The following SGF29 variants were observed in gnomAD, a reference collection of about 807,000 sequenced individuals.
The protein encoded by SGF29 is SAGA complex associated factor 29.
Under a neutral mutation model 38.1 loss-of-function variants are expected in SGF29, and 15 were observed. That is an observed-to-expected ratio of 0.39 (90% CI 0.26 to 0.61). The LOEUF (loss-of-function observed/expected upper bound fraction) is 0.61, where lower values mean the gene tolerates loss of function less well. SGF29 is among the 20% of genes least tolerant of loss of function. The pLI, the probability that SGF29 is intolerant of heterozygous loss-of-function variation, is 0.49. For missense variants in SGF29, 184 were observed against 394.6 expected (o/e 0.47, Z 4.52); for synonymous variants, 151 against 160.8 (o/e 0.94, Z 0.46).
chr16:28,585,563 G>T (rs10521145), intron 3 of SGF29, 85 bp from the exon 4 acceptor site: 1 of 1,228,612 alleles, frequency 8.1e-7, no homozygotes, highest in South Asian at 1.2e-5. Flanking sequence ...GTGCCTCCAC[G>T]AGTGTGATTC....
At position 28,590,033 on chromosome 16, in the gene SGF29, C is replaced by T. The variant is rs2046978518; in HGVS notation, c.290-63C>T. ...GTGCTCCTTCAACAGCTCAGTGCAGCATGCTCGGGGGTCAAGGCCGGCACC... is the reference window on the plus strand; with the variant it reads ...GTGCTCCTTCAACAGCTCAGTGCAGTATGCTCGGGGGTCAAGGCCGGCACC... On this transcript the variant is annotated intron_variant, in intron 5 of 9. Coordinates refer to ENST00000317058, the MANE Select transcript of SGF29 (RefSeq NM_138414.3). This position sits in a 1 kb window ranked among gnomAD's most constrained non-coding sequence, Gnocchi z 8.2. The T allele has an allele frequency of 6.4e-7, 1 of 1,555,756 alleles. No individual in the cohort carries two copies. The highest frequency in any genetic ancestry group is 1.3e-5 in the African/African-American group (1 of 74,250).
intron 9 of SGF29, 75 bp from the exon 10 acceptor site, chr16:28,591,515 C>T: frequency 9.7e-7 from 1 of 1,028,404 alleles, no homozygotes; most frequent in Non-Finnish European, 1.5e-6. Flanking sequence ...CTCCTGTGGT[C>T]TAGGCTGGGG....
Position 28,585,770 on chromosome 16 carries a change from TG to T in SGF29, c.224+53del, listed in dbSNP as rs1269322494. Reference sequence around the variant, plus strand: ...CGCCGCTCCCTCCTTTCCTGGGGGCTGGGCTGCAGGTCCATTTGGACCAAGT... The same window carrying T: ...CGCCGCTCCCTCCTTTCCTGGGGGCTGGCTGCAGGTCCATTTGGACCAAGT... On this transcript the variant is annotated intron_variant, in intron 4 of 9. Transcript: ENST00000317058. The T allele has an allele frequency of 2.6e-6, 4 of 1,546,850 alleles. No individual in the cohort carries two copies. In the South Asian group the frequency reaches 3.3e-5, roughly 13 times the overall value.
At chr16:28,587,689 G>A (rs1202844393) in intron 4 of SGF29, among the ~76,000 whole-genome samples, 1 of 152,230 alleles carries the variant, frequency 6.6e-6, no homozygotes, top group East Asian at 1.9e-4. Flanking sequence ...AAGGTCTTTA[G>A]AACTCCGGGT....
rs1596610324 is a variant in SGF29 at position 28,590,997 on chromosome 16, G to T, written c.765+62G>T. 2 of 1,505,602 alleles carry T rather than the reference G, an allele frequency of 1.3e-6. No homozygotes were observed. The highest frequency in any genetic ancestry group is 4.8e-5 in the East Asian group (2 of 41,300). The allele number at this position is 1,505,602 out of a possible 1,614,324, so 93.3% of individuals were successfully genotyped here. A position where few individuals can be genotyped will look rare whatever the true frequency, so the allele number is the denominator to read the frequency against. On this transcript the variant is annotated intron_variant, in intron 9 of 9. Coordinates refer to ENST00000317058, the MANE Select transcript of SGF29 (RefSeq NM_138414.3). This position sits in a 1 kb window ranked among gnomAD's most constrained non-coding sequence, Gnocchi z 8.2. ...TCAGGAACAGGCTGATCAGACAGAC[G>T]AGGGGTCCTCTCCCCACTCCTTCCC...
At chr16:28,560,733 A>G (rs1008717945) in intron 1 of SGF29, among the ~76,000 whole-genome samples, 5 of 151,938 alleles carry the variant, frequency 3.3e-5, no homozygotes, top group South Asian at 4.2e-4. Context: ...AGGCCAAGGC[A>G]GGCGGATCAC....
chr16:28,589,521 C>G, intron 5 of SGF29: 1 of 255,888 alleles, frequency 3.9e-6, no homozygotes, highest in Non-Finnish European at 7.7e-6. Context: ...GCCAGCCTTC[C>G]AGACCCCCTC....
chr16:28,585,414 G>A (rs2046950850), intron 3 of SGF29: 2 of 580,404 alleles, frequency 3.4e-6, no homozygotes, highest in African/African-American at 1.9e-5. Context: ...TCATGATGGA[G>A]AAAAGGTAAG....
At chr16:28,571,027 G>A (rs958187979) in intron 1 of SGF29, among the ~76,000 whole-genome samples, 1 of 152,156 alleles carries the variant, frequency 6.6e-6, no homozygotes. Context: ...GGAGCCAAAT[G>A]CTGTGGTCTG....
At chr16:28,564,695 ATG>A (rs1567285917) in intron 1 of SGF29, among the ~76,000 whole-genome samples, 1 of 52,000 alleles carries the variant, frequency 1.9e-5, no homozygotes, top group African/African-American at 6.4e-5. Flanking sequence ...GTGTATATAT[ATG>A]TATATATATA....
At chr16:28,570,883 A>G (rs1034229339) in intron 1 of SGF29, among the ~76,000 whole-genome samples, 1 of 151,898 alleles carries the variant, frequency 6.6e-6, no homozygotes, top group African/African-American at 2.4e-5. Context: ...AGCCACCCAT[A>G]TCTGATTTAG....
At chr16:28,564,144 T>C (rs112787124) in intron 1 of SGF29, among the ~76,000 whole-genome samples, 25 of 152,230 alleles carry the variant, frequency 1.6e-4, no homozygotes, top group African/African-American at 5.3e-4. Context: ...GAGAGGGGGC[T>C]GCATTCCCAG....
At chr16:28,565,773 C>A (rs1567286535) in intron 1 of SGF29, among the ~76,000 whole-genome samples, 1 of 151,632 alleles carries the variant, frequency 6.6e-6, no homozygotes, top group East Asian at 2.0e-4. Flanking sequence ...AGACGTGAGC[C>A]ACCACGCCCA....
At chr16:28,563,074 G>A (rs2046799354) in intron 1 of SGF29, among the ~76,000 whole-genome samples, 1 of 152,042 alleles carries the variant, frequency 6.6e-6, no homozygotes. Context: ...ATCACTTGAG[G>A]TTGTTGGGAT....
At chr16:28,559,886 C>A (rs2046775406) in intron 1 of SGF29, among the ~76,000 whole-genome samples, 1 of 152,128 alleles carries the variant, frequency 6.6e-6, no homozygotes, top group South Asian at 2.1e-4. Context: ...ATAACAGAAT[C>A]CAGAGTCTAC....
intron 4 of SGF29, among the ~76,000 whole-genome samples, chr16:28,586,183 T>C (rs2046955166): frequency 6.6e-6 from 1 of 152,118 alleles, no homozygotes; most frequent in Non-Finnish European, 1.5e-5. Context: ...GGCTGGGAAG[T>C]CATACTCAGA....
intron 1 of SGF29, among the ~76,000 whole-genome samples, chr16:28,576,654 C>T (rs954852384): frequency 1.3e-5 from 2 of 150,040 alleles, no homozygotes; most frequent in African/African-American, 4.9e-5. Flanking sequence ...GAGCCGAGAT[C>T]ACACCACTGC....
intron 4 of SGF29, 46 bp downstream of exon 4, chr16:28,585,766 G>A: frequency 6.4e-7 from 1 of 1,563,998 alleles, no homozygotes; most frequent in South Asian, 1.1e-5. Context: ...CCTTTCCTGG[G>A]GGCTGGGCTG....
intron 4 of SGF29, among the ~76,000 whole-genome samples, chr16:28,587,314 A>G (rs2046961130): frequency 6.6e-6 from 1 of 152,236 alleles, no homozygotes; most frequent in Non-Finnish European, 1.5e-5. Flanking sequence ...TTTGAAAGCC[A>G]CTTCAGTAAC....
Sources: allele counts gnomAD v4.1 joint callset (sites outside exome capture counted in the v4.1 genomes callset), GRCh38; gene constraint gnomAD v4.1.1; non-coding constraint Gnocchi (gnomAD v3.1); transcripts MANE v1.5; gene names NCBI Gene and HGNC (gene_info 2026-07-23, HGNC 2026-07-21).